The following CEP152 variants were observed in gnomAD, a reference collection of about 807,000 sequenced individuals.
CEP152 encodes centrosomal protein 152, also known as centrosomal protein of 152 kDa.
CEP152 carries 132 observed loss-of-function variants against 188.9 expected under a neutral mutation model. That is an observed-to-expected ratio of 0.70 (90% CI 0.61 to 0.81). CEP152 has a LOEUF of 0.81. CEP152 is among the 30% of genes least tolerant of loss of function. The pLI, the probability that CEP152 is intolerant of heterozygous loss-of-function variation, is 0.00. For missense variants in CEP152, 1,914 were observed against 1,969.8 expected (o/e 0.97, Z 0.54); for synonymous variants, 649 against 666.6 (o/e 0.97, Z 0.41).
chr15:48,786,961 A>C (rs1194162634), intron 9 of CEP152, among the ~76,000 whole-genome samples: 1 of 152,126 alleles, frequency 6.6e-6, no homozygotes, highest in Non-Finnish European at 1.5e-5. Flanking sequence ...CCCCCAACCC[A>C]ATAAGGAAAA....
intron 24 of CEP152, 74 bp from the exon 25 acceptor site, chr15:48,742,174 T>C (rs1159276910): frequency 7.5e-7 from 1 of 1,332,366 alleles, no homozygotes; most frequent in Non-Finnish European, 1.1e-6. Context: ...GGGGCAGACT[T>C]CAGATCAATT....
chr15:48,759,671 T>C (rs1894536952), intron 19 of CEP152, among the ~76,000 whole-genome samples: 1 of 152,212 alleles, frequency 6.6e-6, no homozygotes, highest in South Asian at 2.1e-4. Flanking sequence ...TAGAATTGGT[T>C]TAAACCAGTA....
chr15:48,795,733 A>G (rs1207419586), intron 6 of CEP152, among the ~76,000 whole-genome samples: 4 of 152,174 alleles, frequency 2.6e-5, no homozygotes, highest in Non-Finnish European at 5.9e-5. Flanking sequence ...AGATTCAACA[A>G]TTATGAACTC....
chr15:48,743,600 C>T (rs756197743), intron 24 of CEP152, among the ~76,000 whole-genome samples: 59 of 152,278 alleles, frequency 3.9e-4, no homozygotes, highest in Non-Finnish European at 5.3e-4. Flanking sequence ...CAGTGGCTCA[C>T]GCCCGTAATC....
At chr15:48,792,504 G>A (rs1897049257) in intron 7 of CEP152, among the ~76,000 whole-genome samples, 1 of 152,204 alleles carries the variant, frequency 6.6e-6, no homozygotes, top group African/African-American at 2.4e-5. Context: ...GAAAGCACAA[G>A]GAGTAAGCAA....
In CEP152 at chr15:48,774,774, A is replaced by G. The variant is rs573150264; in HGVS notation, c.1578-2083T>C. ...TCTAAAATTACTTGACATGCAACTAACCAGAAAAATGTGGCCAAATCTTAA... is the reference window on the plus strand; with the variant it reads ...TCTAAAATTACTTGACATGCAACTAGCCAGAAAAATGTGGCCAAATCTTAA... On this transcript the variant is annotated intron_variant, in intron 12 of 26. Transcript: ENST00000380950. Among the ~76,000 whole-genome samples the G allele has an allele frequency of 2.0e-5, 3 of 152,296 alleles. No individual in the cohort carries two copies. In the East Asian group the frequency reaches 5.8e-4, roughly 29 times the overall value.
At chr15:48,737,283 A>T (rs1892654094), downstream of CEP152, among the ~76,000 whole-genome samples, 1 of 152,170 alleles carries the variant, frequency 6.6e-6, no homozygotes, top group Non-Finnish European at 1.5e-5. Context: ...TAGGTGTGGG[A>T]GATGTGAGAG....
At chr15:48,753,736 T>C (rs551324954) in intron 20 of CEP152, among the ~76,000 whole-genome samples, 1 of 152,314 alleles carries the variant, frequency 6.6e-6, no homozygotes, top group African/African-American at 2.4e-5. Context: ...AGAGACAACA[T>C]ACATCCTTAA....
chr15:48,734,723 G>A (rs1033131416), downstream of CEP152, among the ~76,000 whole-genome samples: 1 of 152,084 alleles, frequency 6.6e-6, no homozygotes, highest in Non-Finnish European at 1.5e-5. Flanking sequence ...AGCTGCAGTG[G>A]CTGTAGTAAT....
At chr15:48,740,615 CTTTTTTTTTTTTT>C (rs1225249199) in intron 26 of CEP152, 3 of 68,862 alleles carry the variant, frequency 4.4e-5, no homozygotes, top group East Asian at 4.3e-4. Context: ...GTTACTCTTA[CTTTTTTTTTTTTT>C]TTTTTTTTTT....
chr15:48,742,030 T>C lies in CEP152; in HGVS notation c.3906A>G (p.Arg1302=). Residue 1302 remains arginine (R), a synonymous_variant, in exon 25 of 27, where the codon CGA becomes CGG. Transcript: ENST00000380950. ...AAEMVKAEVL[R]ERQETARKMR... ...TCTTTCGGGCGGTTTCTTGACGTTC[T>C]CGCAGTACCTCTGCTTTTACCATTT... 6.2e-7 allele frequency: 1 copy of C among 1,614,222 alleles called. No homozygotes were observed. Among genetic ancestry groups the C allele is most frequent in the Non-Finnish European group, 8.5e-7 (1 of 1,180,028 alleles).
At chr15:48,808,656 A>G (rs1457527401) in intron 1 of CEP152, among the ~76,000 whole-genome samples, 1 of 152,136 alleles carries the variant, frequency 6.6e-6, no homozygotes, top group Non-Finnish European at 1.5e-5. Context: ...ACAAAAAAAA[A>G]ACTTGTTATC....
chr15:48,791,420 G>T, intron 7 of CEP152, 44 bp from the exon 8 acceptor site: 1 of 1,545,048 alleles, frequency 6.5e-7, no homozygotes, highest in Non-Finnish European at 8.9e-7. Flanking sequence ...TCCTGTAGAG[G>T]GACCCCAATG....
chr15:48,749,700 C>T (rs548475716), intron 21 of CEP152, among the ~76,000 whole-genome samples: 141 of 151,948 alleles, frequency 9.3e-4, no homozygotes, highest in Admixed American at 2.1e-3. Context: ...AAGGTGGAAG[C>T]AGAGAATATT....
chr15:48,797,805 T>G, intron 3 of CEP152, 75 bp from the exon 4 acceptor site: 2 of 1,566,886 alleles, frequency 1.3e-6, no homozygotes. Context: ...AACCCCAAGA[T>G]TTTAACCTTT....
chr15:48,791,860 C>A (rs904341459), intron 7 of CEP152, among the ~76,000 whole-genome samples: 7 of 150,846 alleles, frequency 4.6e-5, no homozygotes, highest in South Asian at 2.1e-4. Flanking sequence ...AAAAAAAAAA[C>A]AAACCTGATA....
In CEP152 at chr15:48,731,832, C is replaced by T. The variant is rs534120370; in HGVS notation, c.142+9799G>A. ...CAGATTTACAAGGAACTTAAACAAC[C>T]CCAACAAGAAACAAACAACCCCAAC... On this transcript the variant is annotated intron_variant and NMD_transcript_variant, in intron 2 of 3. Coordinates refer to the CEP152 transcript ENST00000561245. Among the ~76,000 whole-genome samples the T allele has an allele frequency of 3.3e-5, 5 of 151,964 alleles. No individual in the cohort carries two copies. The South Asian group carries it at 6.2e-4, about 19-fold the overall frequency.
In CEP152 at chr15:48,772,613, A is replaced by T. The variant is rs1283807387; in HGVS notation, c.1656T>A (p.Arg552=). ...FILKLKAEVQ[R]LLGSNSMKRH... ...GCTTCATTGAGTTGCTACCCAGCAA[A>T]CGCTGTACTTCTGCCTTTAACTTCA... Residue 552 remains arginine (R), a synonymous_variant, in exon 13 of 27, where the codon CGT becomes CGA. Coordinates refer to ENST00000380950, the MANE Select transcript of CEP152 (RefSeq NM_001194998.2). 1.2e-6 allele frequency: 2 copies of T among 1,613,994 alleles called. No individual in the cohort carries two copies. The highest frequency in any genetic ancestry group is 1.7e-6 in the Non-Finnish European group (2 of 1,180,016).
At chr15:48,780,520 T>C (rs1896175910) in intron 12 of CEP152, among the ~76,000 whole-genome samples, 1 of 152,226 alleles carries the variant, frequency 6.6e-6, no homozygotes, top group African/African-American at 2.4e-5. Context: ...TCAACAATGA[T>C]GACGAACTCC....
Sources: allele counts gnomAD v4.1 joint callset (sites outside exome capture counted in the v4.1 genomes callset), GRCh38; gene constraint gnomAD v4.1.1; transcripts MANE v1.5; gene names NCBI Gene and HGNC (gene_info 2026-07-23, HGNC 2026-07-21).